ARVCF: variants seen among roughly 807,000 people sequenced by gnomAD.
ARVCF encodes the protein splicing regulator ARVCF.
Under a neutral mutation model 90.9 loss-of-function variants are expected in ARVCF, and 66 were observed. That is an observed-to-expected ratio of 0.73 (90% CI 0.60 to 0.89). The LOEUF is 0.89. Among genes scored for constraint, ARVCF ranks in the 40% least tolerant of loss-of-function variants. ARVCF has a pLI of 0.00. For synonymous variants in ARVCF, 653 were observed against 603.4 expected (o/e 1.08, Z -1.21); for missense variants, 1,469 against 1,382.3 (o/e 1.06, Z -1.00).
rs780089885 is a variant in ARVCF at position 19,971,278 on chromosome 22, C to T, written c.2839G>A (p.Val947Met). ...GGCTTAGCGTCCCCTACGGCGTCCA[C>T]CAGCCTGACCGCGGGCCTGCTGGGC... ...PGPSRPAVRL[V>M]DAVGDAKPQP... Residue 947 changes from valine to methionine, a missense_variant, in exon 19 of 20, where the codon GTG becomes ATG. Physicochemically the swap from Val to Met is conservative, Grantham distance 21. Coordinates refer to ENST00000263207, the MANE Select transcript of ARVCF (RefSeq NM_001670.3). The T allele has an allele frequency of 1.9e-6, 3 of 1,557,138 alleles. No homozygotes were observed. Among genetic ancestry groups the T allele is most frequent in the Non-Finnish European group, 2.6e-6 (3 of 1,149,698 alleles).
At chr22:19,967,637 TAC>T, downstream of ARVCF, 1 of 312,224 alleles carries the variant, frequency 3.2e-6, no homozygotes, top group Non-Finnish European at 6.3e-6. Flanking sequence ...TGGGGTCGGA[TAC>T]CAGTGTTTCA....
downstream of ARVCF, among the ~76,000 whole-genome samples, chr22:19,965,811 G>A (rs1383187478): frequency 1.3e-5 from 2 of 151,734 alleles, no homozygotes; most frequent in South Asian, 2.1e-4. Context: ...GGCCAAGGGG[G>A]TGGGCATTGG....
downstream of ARVCF, among the ~76,000 whole-genome samples, chr22:19,968,361 G>C (rs9332378): frequency 5.7e-3 from 870 of 152,318 alleles, 8 homozygotes; most frequent in African/African-American, 0.02. Context: ...TGGCACCCAA[G>C]TCTTGTACAG....
At chr22:19,979,540 T>C in intron 6 of ARVCF, 1 of 795,154 alleles carries the variant, frequency 1.3e-6, no homozygotes, top group Non-Finnish European at 1.9e-6. Flanking sequence ...AGCGTCAGCC[T>C]CCCTGCTATG....
At chr22:19,970,989 C>T (rs1942733072) in intron 19 of ARVCF, among the ~76,000 whole-genome samples, 1 of 152,180 alleles carries the variant, frequency 6.6e-6, no homozygotes, top group Admixed American at 6.5e-5. Context: ...TCCTCAGGCC[C>T]CTGATCCCAC....
intron 11 of ARVCF, among the ~76,000 whole-genome samples, chr22:19,974,601 A>G (rs1027097788): frequency 6.6e-6 from 1 of 151,828 alleles, no homozygotes; most frequent in Non-Finnish European, 1.5e-5. Context: ...AATAGGGCCC[A>G]CCCTCCCTGG....
intron 2 of ARVCF, among the ~76,000 whole-genome samples, chr22:19,996,617 T>C (rs1280121948): frequency 1.3e-5 from 2 of 152,132 alleles, no homozygotes; most frequent in South Asian, 2.1e-4. Context: ...CTCAGCCCAT[T>C]AGGTGCTCTC....
chr22:19,977,603 G>A lies in ARVCF; in HGVS notation c.1699-17C>T, dbSNP rs935375271. On this transcript the variant is annotated splice_polypyrimidine_tract_variant and intron_variant, in intron 8 of 19. Transcript: ENST00000263207. ...CTCCACCGACTGCAGGGAGAGGTGAGTGGGTGGGGCAGGGCACCCTAGGCA... is the reference window on the plus strand; with the variant it reads ...CTCCACCGACTGCAGGGAGAGGTGAATGGGTGGGGCAGGGCACCCTAGGCA... The A allele has an allele frequency of 2.0e-6, 3 of 1,507,512 alleles. No individual in the cohort carries two copies. The highest frequency in any genetic ancestry group is 2.8e-5 in the African/African-American group (2 of 71,712). 93.4% of individuals were successfully genotyped at this position (1,507,512 alleles called of 1,614,324 possible). A position where few individuals can be genotyped will look rare whatever the true frequency, so the allele number is the denominator to read the frequency against.
intron 2 of ARVCF, among the ~76,000 whole-genome samples, chr22:20,006,501 C>T (rs1461052631): frequency 1.3e-5 from 2 of 149,434 alleles, no homozygotes; most frequent in African/African-American, 4.9e-5. Context: ...ATGGTGTGAA[C>T]CCAGGAGGCG....
At chr22:19,989,040 C>T (rs1943926734) in intron 3 of ARVCF, among the ~76,000 whole-genome samples, 1 of 152,188 alleles carries the variant, frequency 6.6e-6, no homozygotes, top group Non-Finnish European at 1.5e-5. Context: ...CAGTTCCGGT[C>T]TGGGAGGGTT....
intron 2 of ARVCF, among the ~76,000 whole-genome samples, chr22:19,995,441 T>G (rs1294675127): frequency 1.3e-5 from 2 of 151,828 alleles, no homozygotes; most frequent in African/African-American, 4.8e-5. Context: ...GGAACCTCAC[T>G]AAGTGGGGAA....
At position 19,971,289 on chromosome 22, in the gene ARVCF, G is replaced by A. The variant is rs778383588; in HGVS notation, c.2828C>T (p.Ala943Val). The stretch of plus-strand genomic sequence containing the variant: ...CCCTACGGCGTCCACCAGCCTGACC[G>A]CGGGCCTGCTGGGCCCGGGGGGAGG... ...KAPPPGPSRP[A>V]VRLVDAVGDA... Residue 943 changes from alanine (A) to valine (V), a missense_variant, in exon 19 of 20, where the codon GCG (alanine) becomes GTG (valine). Ala to Val is a moderately conservative substitution (Grantham distance 64). Coordinates refer to ENST00000263207, the MANE Select transcript of ARVCF (RefSeq NM_001670.3). The A allele has an allele frequency of 1.3e-5, 20 of 1,557,054 alleles. No individual in the cohort carries two copies. The highest frequency in any genetic ancestry group is 1.7e-5 in the Non-Finnish European group (20 of 1,149,854).
At chr22:20,011,287 T>G (rs369157711) in intron 1 of ARVCF, among the ~76,000 whole-genome samples, 1 of 151,878 alleles carries the variant, frequency 6.6e-6, no homozygotes, top group Non-Finnish European at 1.5e-5. Context: ...ATTGCCAGAG[T>G]GTTCATGTCA....
At chr22:20,002,846 G>A (rs1229999118) in intron 2 of ARVCF, among the ~76,000 whole-genome samples, 1 of 152,150 alleles carries the variant, frequency 6.6e-6, no homozygotes, top group East Asian at 1.9e-4. Flanking sequence ...ATGCATTAAG[G>A]CAGCTCCAGT....
At chr22:19,990,488 C>A (rs1943984467) in intron 3 of ARVCF, 97 bp downstream of exon 3, 2 of 1,406,586 alleles carry the variant, frequency 1.4e-6, no homozygotes. Flanking sequence ...GCAAATCTTG[C>A]AATAAGCGAG....
Position 19,974,096 on chromosome 22 carries a change from C to A in ARVCF, c.2088+16G>T. The A allele has an allele frequency of 6.3e-7, 1 of 1,598,334 alleles. No homozygotes were observed. The highest frequency in any genetic ancestry group is 1.1e-5 in the South Asian group (1 of 90,442). On this transcript the variant is annotated intron_variant, in intron 12 of 19. Coordinates refer to ENST00000263207, the MANE Select transcript of ARVCF (RefSeq NM_001670.3). ...TCTCTCAGGACTTGCCCACCCTGCCCGACCTGGTCCCTCACCATCCAGTTG... is the reference window on the plus strand; with the variant it reads ...TCTCTCAGGACTTGCCCACCCTGCCAGACCTGGTCCCTCACCATCCAGTTG...
chr22:19,971,406 G>C, intron 18 of ARVCF, 71 bp from the exon 19 acceptor site: 1 of 1,488,594 alleles, frequency 6.7e-7, no homozygotes, highest in Non-Finnish European at 8.9e-7. Flanking sequence ...GGACAGGGCA[G>C]GGGCAGGGCC....
intron 2 of ARVCF, among the ~76,000 whole-genome samples, chr22:19,996,257 C>G (rs549649387): frequency 6.6e-6 from 1 of 152,028 alleles, no homozygotes; most frequent in African/African-American, 2.4e-5. Context: ...GCAGAAAGAA[C>G]CCCCGAGGAA....
chr22:19,975,616 G>T, intron 11 of ARVCF, 70 bp downstream of exon 11: 1 of 1,575,082 alleles, frequency 6.3e-7, no homozygotes, highest in East Asian at 2.2e-5. Context: ...ATGGCTCAAA[G>T]CTTCACTACC....
Sources: gnomAD v4.1 joint callset for allele counts (sites outside exome capture counted in the v4.1 genomes callset) on GRCh38, gnomAD v4.1.1 for gene constraint, MANE v1.5 for transcripts, NCBI Gene and HGNC (gene_info 2026-07-23, HGNC 2026-07-21) for gene names.